Variants in SDK1 observed in about 807,000 individuals in gnomAD.
SDK1 encodes sidekick cell adhesion molecule 1.
Under a neutral mutation model 245.5 loss-of-function variants are expected in SDK1, and 157 were observed. The observed-to-expected ratio is 0.64, with a 90% CI of 0.56 to 0.73. The LOEUF is 0.73. Among genes scored for constraint, SDK1 ranks in the 30% least tolerant of loss-of-function variants. The pLI, the probability that SDK1 is intolerant of heterozygous loss-of-function variation, is 0.00. For missense variants in SDK1, 3,583 were observed against 3,002.3 expected (o/e 1.19, Z -4.52); for synonymous variants, 1,647 against 1,278.5 (o/e 1.29, Z -6.15).
chr7:3,484,985 A>T (rs187029543), intron 1 of SDK1, among the ~76,000 whole-genome samples: 5 of 152,300 alleles, frequency 3.3e-5, no homozygotes, highest in Non-Finnish European at 5.9e-5. Context: ...CATCTGTTTG[A>T]TAGACTAATT....
At chr7:4,071,310 C>T (rs1313206054) in intron 20 of SDK1, among the ~76,000 whole-genome samples, 1 of 152,210 alleles carries the variant, frequency 6.6e-6, no homozygotes, top group Non-Finnish European at 1.5e-5. Context: ...CTGGCATGAG[C>T]CACCACGCCT....
Position 3,969,221 on chromosome 7 carries a change from G to A in SDK1, c.1547-36G>A, listed in dbSNP as rs575833613. The stretch of plus-strand genomic sequence containing the variant: ...TATCTTCATTTCCTTCAAGCGTTAC[G>A]ACTGTAACATGCCTCTTTTCTCCAC... On this transcript the variant is annotated intron_variant, in intron 10 of 44. Coordinates refer to ENST00000404826, the MANE Select transcript of SDK1 (RefSeq NM_152744.4). 11 of 1,523,704 alleles carry A rather than the reference G, an allele frequency of 7.2e-6. No homozygotes were observed. In the East Asian group the frequency reaches 9.8e-5, roughly 14 times the overall value. The allele number at this position is 1,523,704 out of a possible 1,614,324, so 94.4% of individuals were successfully genotyped here. A position where few individuals can be genotyped will look rare whatever the true frequency, so the allele number is the denominator to read the frequency against.
intron 1 of SDK1, among the ~76,000 whole-genome samples, chr7:3,443,990 C>T (rs1562489789): frequency 6.6e-6 from 1 of 152,202 alleles, no homozygotes; most frequent in African/African-American, 2.4e-5. Context: ...ATACATAGCA[C>T]GGAAGCCTGA....
chr7:3,443,131 A>G (rs918424825), intron 1 of SDK1, among the ~76,000 whole-genome samples: 7 of 152,102 alleles, frequency 4.6e-5, no homozygotes, highest in African/African-American at 1.7e-4. Context: ...CATGTAATTA[A>G]GAGAGTTCAA....
rs1216514240 is a variant in SDK1 at position 4,109,767 on chromosome 7, G to T, written c.3325-896G>T. Among the ~76,000 whole-genome samples, 2 of 152,198 alleles carry T rather than the reference G, an allele frequency of 1.3e-5. 1 individual carries two copies. The highest frequency in any genetic ancestry group is 3.9e-4 in the East Asian group (2 of 5,186). The stretch of plus-strand genomic sequence containing the variant: ...GAGAGAGGGACGTGGTCAGCTTGGG[G>T]CAGTGGCAGTAGAAGCGGCACTGGC... On this transcript the variant is annotated intron_variant, in intron 22 of 44. Transcript: ENST00000404826.
At chr7:4,158,612 A>T (rs1401484603) in intron 31 of SDK1, 61 bp downstream of exon 31, 18 of 1,255,922 alleles carry the variant, frequency 1.4e-5, no homozygotes, top group Non-Finnish European at 1.9e-5. Context: ...CGAGATACTT[A>T]GGCCACACTT....
At chr7:3,959,748 T>G (rs1781530690) in intron 8 of SDK1, among the ~76,000 whole-genome samples, 1 of 152,230 alleles carries the variant, frequency 6.6e-6, no homozygotes, top group African/African-American at 2.4e-5. Flanking sequence ...AGACACCCTT[T>G]TATTCTTTTT....
chr7:4,002,178 A>G (rs976600100), intron 14 of SDK1, among the ~76,000 whole-genome samples: 3 of 152,216 alleles, frequency 2.0e-5, no homozygotes, highest in African/African-American at 4.8e-5. Context: ...TAGTGCCCAG[A>G]TGAGCTCTGA....
chr7:3,672,412 T>C (rs1039756791), intron 4 of SDK1, among the ~76,000 whole-genome samples: 1 of 151,542 alleles, frequency 6.6e-6, no homozygotes, highest in African/African-American at 2.4e-5. Flanking sequence ...GAAAGCTGTG[T>C]TTATACTTCT....
intron 1 of SDK1, among the ~76,000 whole-genome samples, chr7:3,572,979 G>A (rs906263987): frequency 3.9e-5 from 6 of 152,080 alleles, no homozygotes; most frequent in East Asian, 1.9e-4. Flanking sequence ...GCAGGCAGAC[G>A]GAGCATCTGG....
chr7:4,252,511 T>C (rs1165431691), intron 44 of SDK1, among the ~76,000 whole-genome samples: 1 of 152,210 alleles, frequency 6.6e-6, no homozygotes, highest in Non-Finnish European at 1.5e-5. Context: ...AGTGCCGCAA[T>C]AAACATACGT....
chr7:3,876,292 C>T (rs762714845), intron 5 of SDK1, among the ~76,000 whole-genome samples: 1 of 152,176 alleles, frequency 6.6e-6, no homozygotes, highest in East Asian at 1.9e-4. Context: ...TTTCCCCAGT[C>T]TTCTTTGGGG....
Position 3,588,474 on chromosome 7 carries a change from C to T in SDK1, c.299-30606C>T, listed in dbSNP as rs747253247. ...AATTCACCTCTGAAAGCCCCCAGCT[C>T]GAAGTGTTTAGTTTTTCTTCTGTGA... On this transcript the variant is annotated intron_variant, in intron 1 of 44. Transcript: ENST00000404826. Among the ~76,000 whole-genome samples the T allele has an allele frequency of 3.9e-5, 6 of 152,138 alleles. No individual in the cohort carries two copies. In the South Asian group the frequency reaches 6.2e-4, roughly 16 times the overall value.
At chr7:3,961,756 G>T (rs545008765) in intron 8 of SDK1, among the ~76,000 whole-genome samples, 32 of 152,280 alleles carry the variant, frequency 2.1e-4, no homozygotes, top group African/African-American at 7.7e-4. Context: ...GTTAGCTGTT[G>T]GGATGAATAG....
chr7:3,709,933 C>T (rs1228642717), intron 4 of SDK1, among the ~76,000 whole-genome samples: 1 of 152,196 alleles, frequency 6.6e-6, no homozygotes, highest in African/African-American at 2.4e-5. Flanking sequence ...GAGCAAAGCA[C>T]GTGCCAGGTG....
Position 3,837,489 on chromosome 7 carries a change from T to C in SDK1, c.847+15906T>C, listed in dbSNP as rs190966158. ...ATACTCACTGTGGAATCTTAAGATA[T>C]TGCATTTTGAAAGCAACTCTAGGGG... On this transcript the variant is annotated intron_variant, in intron 5 of 44. Coordinates refer to ENST00000404826, the MANE Select transcript of SDK1 (RefSeq NM_152744.4). 4.4e-3 allele frequency among the ~76,000 whole-genome samples: 672 copies of C among 152,324 alleles called. 5 individuals carry two copies. Among genetic ancestry groups the C allele is most frequent in the African/African-American group, 0.014 (563 of 41,576 alleles).
intron 1 of SDK1, among the ~76,000 whole-genome samples, chr7:3,541,172 C>A (rs1779044114): frequency 1.3e-5 from 2 of 152,230 alleles, no homozygotes; most frequent in South Asian, 4.1e-4. Context: ...TATATCCTGT[C>A]TAAGGCAGTG....
At chr7:3,681,660 G>T (rs1361234548) in intron 4 of SDK1, among the ~76,000 whole-genome samples, 1 of 151,850 alleles carries the variant, frequency 6.6e-6, no homozygotes, top group Non-Finnish European at 1.5e-5. Context: ...AAGATCATGT[G>T]CTTTTTTTTT....
intron 1 of SDK1, among the ~76,000 whole-genome samples, chr7:3,535,840 C>T (rs1022725946): frequency 6.6e-6 from 1 of 152,000 alleles, no homozygotes; most frequent in Non-Finnish European, 1.5e-5. Flanking sequence ...TATTCTCATC[C>T]ATGTGTCAAT....
Sources: gnomAD v4.1 joint callset for allele counts (sites outside exome capture counted in the v4.1 genomes callset) on GRCh38, gnomAD v4.1.1 for gene constraint, MANE v1.5 for transcripts, NCBI Gene and HGNC (gene_info 2026-07-23, HGNC 2026-07-21) for gene names.